PCDHGB3: variants seen among roughly 807,000 people sequenced by gnomAD.
PCDHGB3 encodes the protein protocadherin gamma subfamily B, 3.
Under a neutral mutation model 59.2 loss-of-function variants are expected in PCDHGB3, and 40 were observed. That is an observed-to-expected ratio of 0.68 (90% CI 0.52 to 0.88). The LOEUF is 0.88. Among genes scored for constraint, PCDHGB3 ranks in the 40% least tolerant of loss-of-function variants. PCDHGB3 has a pLI of 0.00. For synonymous variants in PCDHGB3, 581 were observed against 503.6 expected, an observed-to-expected ratio of 1.15 and a Z score of -2.06; for missense variants, 1,309 against 1,187.9, an observed-to-expected ratio of 1.10 and a Z score of -1.50.
At position 141,404,862 on chromosome 5, in the gene PCDHGB3, C is replaced by T. The variant is rs377687399; in HGVS notation, c.2415+32053C>T. ...GCTCGGGCCCTGCTAGATAGAGATG[C>T]GCTCAAACAGAGCCTTGTGGTGGCT... On this transcript the variant is annotated intron_variant, in intron 1 of 3. Coordinates refer to ENST00000576222, the MANE Select transcript of PCDHGB3 (RefSeq NM_018924.5). The T allele has an allele frequency of 2.3e-5, 37 of 1,613,730 alleles. No individual in the cohort carries two copies. The African/African-American group carries it at 2.8e-4, about 12-fold the overall frequency.
At chr5:141,506,636 C>T (rs1421676205) in intron 3 of PCDHGB3, among the ~76,000 whole-genome samples, 2 of 152,020 alleles carry the variant, frequency 1.3e-5, no homozygotes, top group South Asian at 2.1e-4. Context: ...AATGCAAGTC[C>T]CTCAGCACAG....
intron 1 of PCDHGB3, among the ~76,000 whole-genome samples, chr5:141,436,531 G>A (rs1365651055): frequency 2.6e-5 from 4 of 152,152 alleles, no homozygotes; most frequent in South Asian, 2.1e-4. Flanking sequence ...CCTTTAGCAA[G>A]TTATTTAATC....
At position 141,491,823 on chromosome 5, in the gene PCDHGB3, C is replaced by G; in HGVS notation, c.2416-2984C>G. Reference sequence around the variant, plus strand: ...GCCGGCTTGGTCGCTGGCTGCGCTCCACCCGATTCTCGGGATCATTGGACC... The same window carrying G: ...GCCGGCTTGGTCGCTGGCTGCGCTCGACCCGATTCTCGGGATCATTGGACC... On this transcript the variant is annotated intron_variant, in intron 1 of 3. Transcript: ENST00000576222. The surrounding 1 kb of genome is among the most constrained non-coding windows in gnomAD (Gnocchi z 6.9). The G allele has an allele frequency of 6.8e-7, 1 of 1,479,156 alleles. No individual in the cohort carries two copies. Among genetic ancestry groups the G allele is most frequent in the Non-Finnish European group, 9.0e-7 (1 of 1,115,292 alleles). 91.6% of individuals were successfully genotyped at this position (1,479,156 alleles called of 1,614,324 possible). A position where few individuals can be genotyped will look rare whatever the true frequency, so the allele number is the denominator to read the frequency against.
In PCDHGB3 at chr5:141,489,399, C is replaced by A. The variant is rs2099686689; in HGVS notation, c.2416-5408C>A. On this transcript the variant is annotated intron_variant, in intron 1 of 3. Coordinates refer to ENST00000576222, the MANE Select transcript of PCDHGB3 (RefSeq NM_018924.5). The surrounding 1 kb of genome is among the most constrained non-coding windows in gnomAD (Gnocchi z 4.5). ...TGGGGAATGTTGCTCAGGATCTGGGCTTAAAGATGACAGATCTGTTGAGCC... is the reference window on the plus strand; with the variant it reads ...TGGGGAATGTTGCTCAGGATCTGGGATTAAAGATGACAGATCTGTTGAGCC... 1 of 1,614,024 alleles carries A rather than the reference C, an allele frequency of 6.2e-7. No homozygotes were observed. Among genetic ancestry groups the A allele is most frequent in the African/African-American group, 1.3e-5 (1 of 74,910 alleles).
chr5:141,456,576 A>C (rs1383992335), intron 1 of PCDHGB3, among the ~76,000 whole-genome samples: 2 of 152,188 alleles, frequency 1.3e-5, no homozygotes, highest in African/African-American at 4.8e-5. Context: ...ATTTTCCCTG[A>C]GCCTGTCAAT....
In PCDHGB3 at chr5:141,371,024, G is replaced by T; in HGVS notation, c.630G>T (p.Leu210=). ...LDREEQPHHH[L]VLTAVDGGEP... is the part of the protein sequence containing the mutation. ...GGGAAGAGCAGCCACATCACCACCTGGTCCTCACAGCTGTGGATGGGGGCG... is the reference window on the plus strand; with the variant it reads ...GGGAAGAGCAGCCACATCACCACCTTGTCCTCACAGCTGTGGATGGGGGCG... The change falls in exon 1 of 4, where the codon CTG becomes CTT. Residue 210 remains leucine (L), a synonymous_variant. Coordinates refer to ENST00000576222, the MANE Select transcript of PCDHGB3 (RefSeq NM_018924.5). 4 of 1,614,004 alleles carry T rather than the reference G, an allele frequency of 2.5e-6. No individual in the cohort carries two copies. The highest frequency in any genetic ancestry group is 3.4e-6 in the Non-Finnish European group (4 of 1,179,910).
In PCDHGB3 at chr5:141,490,347, G is replaced by T; in HGVS notation, c.2416-4460G>T. On this transcript the variant is annotated intron_variant, in intron 1 of 3. Coordinates refer to ENST00000576222, the MANE Select transcript of PCDHGB3 (RefSeq NM_018924.5). This position sits in a 1 kb window ranked among gnomAD's most constrained non-coding sequence, Gnocchi z 5.4. ...AGAGCACACCAGTGGGCACAGTAGT[G>T]GGGTTGTTTAATGTGCGAGACCGGG... 1 of 1,614,180 alleles carries T rather than the reference G, an allele frequency of 6.2e-7. No homozygotes were observed.
intron 2 of PCDHGB3, among the ~76,000 whole-genome samples, chr5:141,497,671 C>T (rs1026356633): frequency 6.6e-5 from 10 of 151,878 alleles, no homozygotes; most frequent in African/African-American, 2.4e-4. Flanking sequence ...TCCCGAGTAG[C>T]TGGGACAGCA....
chr5:141,477,708 G>T lies in PCDHGB3; in HGVS notation c.2416-17099G>T. ...GTGCCCCTAGACTATGAGGATCGGC[G>T]GGAATTTGAATTAACAGCTCATATC... On this transcript the variant is annotated intron_variant, in intron 1 of 3. Transcript: ENST00000576222. The surrounding 1 kb of genome is among the most constrained non-coding windows in gnomAD (Gnocchi z 4.9). 2 of 1,613,930 alleles carry T rather than the reference G, an allele frequency of 1.2e-6. No individual in the cohort carries two copies. Among genetic ancestry groups the T allele is most frequent in the Non-Finnish European group, 1.7e-6 (2 of 1,180,030 alleles).
intron 1 of PCDHGB3, chr5:141,408,845 T>C (rs560368079): frequency 1.9e-6 from 3 of 1,613,670 alleles, no homozygotes; most frequent in Non-Finnish European, 8.5e-7. Flanking sequence ...ATTGACTGCC[T>C]TGGACGGAGG....
In PCDHGB3 at chr5:141,487,128, G is replaced by T. The variant is rs565927415; in HGVS notation, c.2416-7679G>T. On this transcript the variant is annotated intron_variant, in intron 1 of 3. Transcript: ENST00000576222. This position sits in a 1 kb window ranked among gnomAD's most constrained non-coding sequence, Gnocchi z 5.0. ...GTCATTGTGGTAAAGGATAGTGGTA[G>T]TCCACCACTCTCTACCTCTGTTACT... The T allele has an allele frequency of 6.3e-5, 102 of 1,614,086 alleles. No individual in the cohort carries two copies. The South Asian group carries it at 7.7e-4, about 12-fold the overall frequency.
At chr5:141,399,751 G>T (rs564705346) in intron 1 of PCDHGB3, 2 of 1,613,322 alleles carry the variant, frequency 1.2e-6, no homozygotes, top group Non-Finnish European at 1.7e-6. Context: ...CAGCGCAAAC[G>T]TGAGCCTGCG....
Position 141,371,198 on chromosome 5 carries a change from CATGG to C in PCDHGB3, c.808_811del (p.Asp270ArgfsTer18). The stretch of plus-strand genomic sequence containing the variant: ...CCGTATTAAAAGTGATGGCCATTGA[CATGG>C]ATGAGGGCATCAATGCCGAAATCAT... On this transcript the variant is annotated frameshift_variant, in exon 1 of 4. Transcript: ENST00000576222. LOFTEE classifies it high-confidence loss of function. 3 of 1,614,008 alleles carry C rather than the reference CATGG, an allele frequency of 1.9e-6. No homozygotes were observed. The highest frequency in any genetic ancestry group is 2.5e-6 in the Non-Finnish European group (3 of 1,179,862).
intron 1 of PCDHGB3, chr5:141,374,073 A>G (rs1201568464): frequency 2.6e-6 from 4 of 1,510,034 alleles, no homozygotes; most frequent in Non-Finnish European, 2.7e-6. Context: ...GAAGTTCCTA[A>G]TAAGCCAGTA....
intron 1 of PCDHGB3, chr5:141,414,163 G>A (rs1455950284): frequency 5.6e-6 from 9 of 1,603,256 alleles, no homozygotes; most frequent in Non-Finnish European, 7.7e-6. Flanking sequence ...AGATGGAGGA[G>A]CATATCTTGC....
At chr5:141,440,982 A>G (rs940098060) in intron 1 of PCDHGB3, 4 of 152,234 alleles carry the variant, frequency 2.6e-5, no homozygotes, top group Non-Finnish European at 5.9e-5. Context: ...TTCACAACCC[A>G]GAGTACCCAT....
chr5:141,380,433 A>G (rs1228885429), intron 1 of PCDHGB3, among the ~76,000 whole-genome samples: 1 of 152,256 alleles, frequency 6.6e-6, no homozygotes, highest in Non-Finnish European at 1.5e-5. Context: ...TAGACTTTAC[A>G]TAGAATTCTT....
chr5:141,448,439 C>T (rs182359185), intron 1 of PCDHGB3, among the ~76,000 whole-genome samples: 7 of 152,232 alleles, frequency 4.6e-5, no homozygotes, highest in Admixed American at 4.6e-4. Context: ...ATTGAGAAGT[C>T]TGACTTCCAT....
chr5:141,428,949 G>T (rs2097173007), intron 1 of PCDHGB3: 1 of 152,034 alleles, frequency 6.6e-6, no homozygotes, highest in Admixed American at 6.6e-5. Flanking sequence ...CTGCCTTCCG[G>T]GTTCTGGCCA....
Sources: gnomAD v4.1 joint callset for allele counts (sites outside exome capture counted in the v4.1 genomes callset) on GRCh38, gnomAD v4.1.1 for gene constraint, Gnocchi (gnomAD v3.1) non-coding constraint, MANE v1.5 for transcripts, NCBI Gene and HGNC (gene_info 2026-07-23, HGNC 2026-07-21) for gene names.